HS6ST3: variants seen among roughly 807,000 people sequenced by gnomAD.
HS6ST3 encodes heparan-sulfate 6-O-sulfotransferase 3.
In HS6ST3, 12 loss-of-function variants were observed where a neutral mutation model predicts 36.7. That is an observed-to-expected ratio of 0.33 (90% CI 0.21 to 0.53). HS6ST3 has a LOEUF of 0.53. Among genes scored for constraint, HS6ST3 ranks in the 20% least tolerant of loss-of-function variants. The pLI is 0.95. For synonymous variants in HS6ST3, 240 were observed against 257.5 expected (o/e 0.93, Z 0.65); for missense variants, 584 against 640.9 (o/e 0.91, Z 0.96).
intron 1 of HS6ST3, among the ~76,000 whole-genome samples, chr13:96,593,815 AT>A (rs1344874398): frequency 6.6e-6 from 1 of 151,816 alleles, no homozygotes; most frequent in Non-Finnish European, 1.5e-5. Context: ...CTTAAATTCT[AT>A]TTTATCTGAT....
intron 1 of HS6ST3, among the ~76,000 whole-genome samples, chr13:96,237,848 T>A (rs966599264): frequency 5.9e-5 from 9 of 152,178 alleles, no homozygotes; most frequent in Non-Finnish European, 1.0e-4. Context: ...CTCCAGACCC[T>A]CTTGTTTTTC....
intron 1 of HS6ST3, among the ~76,000 whole-genome samples, chr13:96,708,386 A>T (rs9556613): frequency 0.051 from 7,741 of 152,256 alleles, 464 homozygotes; most frequent in East Asian, 0.29. Flanking sequence ...CTTCCAAAGC[A>T]TGTCCAACTT....
chr13:96,446,859 C>T (rs561691990), intron 1 of HS6ST3, among the ~76,000 whole-genome samples: 3 of 152,344 alleles, frequency 2.0e-5, no homozygotes, highest in South Asian at 2.1e-4. Flanking sequence ...TGTGGCCCTT[C>T]TCCTGAGTTC....
At chr13:96,107,187 G>A (rs1472262821) in intron 1 of HS6ST3, among the ~76,000 whole-genome samples, 3 of 152,172 alleles carry the variant, frequency 2.0e-5, no homozygotes, top group Non-Finnish European at 2.9e-5. Context: ...TAAGGTTGAT[G>A]ATAGTATGGG....
intron 1 of HS6ST3, among the ~76,000 whole-genome samples, chr13:96,817,845 G>A (rs1444339587): frequency 2.0e-5 from 3 of 152,084 alleles, no homozygotes; most frequent in Non-Finnish European, 4.4e-5. Context: ...CACTAAGAAG[G>A]GAAATTACAG....
intron 1 of HS6ST3, among the ~76,000 whole-genome samples, chr13:96,518,338 CT>C (rs1171407967): frequency 6.6e-6 from 1 of 152,020 alleles, no homozygotes; most frequent in Non-Finnish European, 1.5e-5. Context: ...TTCTTATTCC[CT>C]TTTTTATGGG....
At chr13:96,290,303 A>G (rs1319326635) in intron 1 of HS6ST3, among the ~76,000 whole-genome samples, 7 of 152,102 alleles carry the variant, frequency 4.6e-5, no homozygotes, top group Non-Finnish European at 2.9e-5. Flanking sequence ...GTCTGGTTGC[A>G]TCCCTGTGGT....
intron 1 of HS6ST3, among the ~76,000 whole-genome samples, chr13:96,275,155 G>T (rs1037508349): frequency 6.6e-6 from 1 of 152,130 alleles, no homozygotes. Context: ...AATTGCTTTA[G>T]TTAGCCATTA....
intron 1 of HS6ST3, among the ~76,000 whole-genome samples, chr13:96,328,438 T>C (rs2055045092): frequency 6.6e-6 from 1 of 152,082 alleles, no homozygotes; most frequent in African/African-American, 2.4e-5. Flanking sequence ...ATTGAGATAA[T>C]CATGTGGTTT....
intron 1 of HS6ST3, among the ~76,000 whole-genome samples, chr13:96,093,114 C>G (rs981273334): frequency 6.6e-6 from 1 of 152,134 alleles, no homozygotes; most frequent in Non-Finnish European, 1.5e-5. Flanking sequence ...AGATTAATTC[C>G]TGATTGACCT....
At chr13:96,770,938 G>C (rs936900607) in intron 1 of HS6ST3, among the ~76,000 whole-genome samples, 2 of 152,168 alleles carry the variant, frequency 1.3e-5, no homozygotes, top group African/African-American at 4.8e-5. Context: ...ATGGAAAGCA[G>C]GAGGCCTCTT....
intron 1 of HS6ST3, among the ~76,000 whole-genome samples, chr13:96,562,321 C>T (rs2056265309): frequency 6.6e-6 from 1 of 152,018 alleles, no homozygotes; most frequent in Non-Finnish European, 1.5e-5. Flanking sequence ...GGGAGCTAAA[C>T]AATGGGTAGT....
chr13:96,803,007 A>G (rs1192650051), intron 1 of HS6ST3, among the ~76,000 whole-genome samples: 1 of 152,160 alleles, frequency 6.6e-6, no homozygotes. Context: ...GAAACAGATA[A>G]TTATTCTACC....
At chr13:96,314,993 T>A (rs1241882029) in intron 1 of HS6ST3, among the ~76,000 whole-genome samples, 1 of 152,160 alleles carries the variant, frequency 6.6e-6, no homozygotes, top group Admixed American at 6.5e-5. Flanking sequence ...TGTCAGAAAC[T>A]ATTAAATTTC....
chr13:96,494,545 A>T (rs1266909404), intron 1 of HS6ST3, among the ~76,000 whole-genome samples: 1 of 145,650 alleles, frequency 6.9e-6, no homozygotes, highest in East Asian at 2.0e-4. Context: ...AGTATAATTA[A>T]AAAAAAAAAA....
intron 1 of HS6ST3, among the ~76,000 whole-genome samples, chr13:96,588,459 A>G (rs745936605): frequency 7.9e-5 from 12 of 152,160 alleles, no homozygotes; most frequent in Admixed American, 1.3e-4. Context: ...GAATTTTGTC[A>G]AATGCTTTTT....
intron 1 of HS6ST3, among the ~76,000 whole-genome samples, chr13:96,240,883 A>G (rs2054556504): frequency 6.6e-6 from 1 of 152,238 alleles, no homozygotes; most frequent in South Asian, 2.1e-4. Context: ...CAGGGGCAGG[A>G]ATAGAGGCAA....
At chr13:96,695,239 A>G (rs1875090684) in intron 1 of HS6ST3, among the ~76,000 whole-genome samples, 1 of 152,194 alleles carries the variant, frequency 6.6e-6, no homozygotes, top group Admixed American at 6.5e-5. Context: ...TCTCTAAATC[A>G]ATCATCCCAC....
intron 1 of HS6ST3, among the ~76,000 whole-genome samples, chr13:96,528,029 C>T (rs2056121068): frequency 6.6e-6 from 1 of 152,166 alleles, no homozygotes; most frequent in Non-Finnish European, 1.5e-5. Flanking sequence ...ATGCCAGCTT[C>T]ACTTAAGACT....
Sources: gnomAD v4.1 joint callset for allele counts (sites outside exome capture counted in the v4.1 genomes callset) on GRCh38, gnomAD v4.1.1 for gene constraint, MANE v1.5 for transcripts, NCBI Gene and HGNC (gene_info 2026-07-23, HGNC 2026-07-21) for gene names.